Variants in FAM241A observed in about 807,000 individuals in gnomAD.
FAM241A encodes uncharacterized protein FAM241A.
Under a neutral mutation model 12.2 loss-of-function variants are expected in FAM241A, and 7 were observed. The ratio of observed to expected loss-of-function variants is 0.58; its 90% CI spans 0.33 to 1.08. FAM241A has a LOEUF of 1.08. Among genes scored for constraint, FAM241A ranks in the 50% least tolerant of loss-of-function variants. FAM241A has a pLI of 0.04. For missense variants in FAM241A, 161 were observed against 169.7 expected, an observed-to-expected ratio of 0.95 and a Z score of 0.29; for synonymous variants, 74 against 68.2, an observed-to-expected ratio of 1.08 and a Z score of -0.42.
chr4:112,166,480 T>G (rs1723597891), intron 1 of FAM241A, among the ~76,000 whole-genome samples: 2 of 152,140 alleles, frequency 1.3e-5, no homozygotes, highest in South Asian at 4.1e-4. Flanking sequence ...GAAATTTGAT[T>G]ATTTGATGTG....
intron 1 of FAM241A, among the ~76,000 whole-genome samples, chr4:112,176,181 C>T (rs1049778114): frequency 2.0e-5 from 3 of 151,930 alleles, no homozygotes; most frequent in East Asian, 1.9e-4. Flanking sequence ...ATTAAATTGT[C>T]GTAACACTTG....
rs1231417259 is a variant in FAM241A at position 112,194,232 on chromosome 4, C to T, written c.*7294C>T. ...AGACTTTGCTGAAGTTGCTTATCAG[C>T]TTAAGGAGATTTTGGGCTGAGACAA... is the stretch of plus-strand genomic sequence containing the variant. On this transcript the variant is annotated 3_prime_UTR_variant, in exon 2 of 2. Coordinates refer to ENST00000309733, the MANE Select transcript of FAM241A (RefSeq NM_152400.3). The T allele has an allele frequency of 4.7e-5, 7 of 148,178 alleles. No individual in the cohort carries two copies. The highest frequency in any genetic ancestry group is 1.7e-4 in the African/African-American group (7 of 40,230). 9.2% of individuals were successfully genotyped at this position (148,178 alleles called of 1,614,324 possible). A position where few individuals can be genotyped will look rare whatever the true frequency, so the allele number is the denominator to read the frequency against.
At position 112,188,134 on chromosome 4, in the gene FAM241A, T is replaced by A. The variant is rs376166846; in HGVS notation, c.*1196T>A. ...TGAAAATGGAGAATGGCTTTAGTGATATTTTGGGTTTTGTTAGAGAACCTA... is the reference window on the plus strand; with the variant it reads ...TGAAAATGGAGAATGGCTTTAGTGAAATTTTGGGTTTTGTTAGAGAACCTA... On this transcript the variant is annotated 3_prime_UTR_variant, in exon 2 of 2. Transcript: ENST00000309733. The A allele has an allele frequency of 5.3e-5, 8 of 152,302 alleles. 1 individual carries two copies. The highest frequency in any genetic ancestry group is 1.7e-4 in the African/African-American group (7 of 41,594). The allele number at this position is 152,302 out of a possible 1,614,324, so 9.4% of individuals were successfully genotyped here.
intron 1 of FAM241A, among the ~76,000 whole-genome samples, chr4:112,155,658 A>C (rs1057481218): frequency 1.3e-5 from 2 of 152,218 alleles, no homozygotes; most frequent in Non-Finnish European, 2.9e-5. Flanking sequence ...GAGTCCAATA[A>C]ATAGAAAAAT....
chr4:112,150,506 C>T (rs1188867801), intron 1 of FAM241A, among the ~76,000 whole-genome samples: 1 of 152,188 alleles, frequency 6.6e-6, no homozygotes, highest in East Asian at 1.9e-4. Flanking sequence ...ATTTCTATTT[C>T]TTGCCTTTGG....
chr4:112,146,435 A>G (rs921791494), intron 1 of FAM241A, among the ~76,000 whole-genome samples: 6 of 152,258 alleles, frequency 3.9e-5, no homozygotes, highest in African/African-American at 1.4e-4. Context: ...CATTTAAATA[A>G]AGTGTGATAA....
In FAM241A at chr4:112,193,420, C is replaced by T. The variant is rs1206864115; in HGVS notation, c.*6482C>T. Reference sequence around the variant, plus strand: ...TGGTGTTTTAGACATGAAGTCCTTGCCCATGCCTATGTCCTGAATGGTAAT... The same window carrying T: ...TGGTGTTTTAGACATGAAGTCCTTGTCCATGCCTATGTCCTGAATGGTAAT... On this transcript the variant is annotated 3_prime_UTR_variant, in exon 2 of 2. Coordinates refer to ENST00000309733, the MANE Select transcript of FAM241A (RefSeq NM_152400.3). 2.6e-5 allele frequency: 4 copies of T among 151,964 alleles called. No individual in the cohort carries two copies. The highest frequency in any genetic ancestry group is 4.4e-5 in the Non-Finnish European group (3 of 68,018). 9.4% of individuals were successfully genotyped at this position (151,964 alleles called of 1,614,324 possible). A position where few individuals can be genotyped will look rare whatever the true frequency, so the allele number is the denominator to read the frequency against.
chr4:112,182,812 T>C (rs1020624054), intron 1 of FAM241A, among the ~76,000 whole-genome samples: 2 of 152,184 alleles, frequency 1.3e-5, no homozygotes, highest in Non-Finnish European at 2.9e-5. Context: ...ACAAAGCCCA[T>C]TGTTAAACAT....
At chr4:112,183,297 A>G (rs1157690532) in intron 1 of FAM241A, among the ~76,000 whole-genome samples, 1 of 149,420 alleles carries the variant, frequency 6.7e-6, no homozygotes, top group African/African-American at 2.4e-5. Context: ...TTAAAAAAAA[A>G]GAAGAAGAAG....
chr4:112,186,905 T>A lies in FAM241A; in HGVS notation c.366T>A (p.Val122=). The A allele has an allele frequency of 6.2e-7, 1 of 1,613,972 alleles. No homozygotes were observed. The highest frequency in any genetic ancestry group is 8.5e-7 in the Non-Finnish European group (1 of 1,179,924). ...TGCAAGCCCTTGGACTAGTTGCTGT[T>A]CTTTGCCTTGTTATTATTTATGTGC... ...LGLQALGLVA[V]LCLVIIYVQQ Residue 122 remains valine (V), a synonymous_variant, in exon 2 of 2, where the codon GTT becomes GTA. Transcript: ENST00000309733.
chr4:112,179,725 TA>T (rs60844444), intron 1 of FAM241A, among the ~76,000 whole-genome samples: 11 of 146,768 alleles, frequency 7.5e-5, no homozygotes, highest in South Asian at 4.2e-4. Flanking sequence ...ATATATATAT[TA>T]AAAAAAAGAA....
Position 112,186,855 on chromosome 4 carries a change from T to C in FAM241A, c.316T>C (p.Trp106Arg). The C allele has an allele frequency of 6.2e-7, 1 of 1,614,130 alleles. No homozygotes were observed. Among genetic ancestry groups the C allele is most frequent in the South Asian group, 1.1e-5 (1 of 91,084 alleles). ...IVEPVIVIFF[W>R]VMLWFLGLQA... ...GGAACCAGTAATAGTCATTTTCTTT[T>C]GGGTTATGCTGTGGTTCCTTGGCCT... Residue 106 changes from tryptophan to arginine, a missense_variant, in exon 2 of 2, where the codon TGG becomes CGG. Physicochemically the swap from Trp to Arg is moderately radical, Grantham distance 101. Coordinates refer to ENST00000309733, the MANE Select transcript of FAM241A (RefSeq NM_152400.3).
At chr4:112,163,088 G>A (rs192376148) in intron 1 of FAM241A, among the ~76,000 whole-genome samples, 4 of 152,222 alleles carry the variant, frequency 2.6e-5, no homozygotes, top group African/African-American at 9.6e-5. Flanking sequence ...AATGGTGCTG[G>A]GAAAACTGGC....
intron 1 of FAM241A, chr4:112,171,433 C>T: frequency 1.3e-6 from 1 of 773,742 alleles, no homozygotes; most frequent in South Asian, 1.3e-5. Flanking sequence ...GTGTGTTGAG[C>T]CAACTGCAGA....
At chr4:112,168,587 A>G (rs540987812) in intron 1 of FAM241A, among the ~76,000 whole-genome samples, 37 of 152,344 alleles carry the variant, frequency 2.4e-4, no homozygotes, top group Non-Finnish European at 4.6e-4. Context: ...AAATTCCATT[A>G]TAGATCTTAC....
intron 1 of FAM241A, among the ~76,000 whole-genome samples, chr4:112,149,190 G>C (rs1343609013): frequency 6.6e-6 from 1 of 150,628 alleles, no homozygotes; most frequent in Non-Finnish European, 1.5e-5. Flanking sequence ...CTTTTTTTTT[G>C]AGATAGGGTT....
intron 1 of FAM241A, among the ~76,000 whole-genome samples, chr4:112,166,805 A>AT (rs570522398): frequency 2.0e-4 from 31 of 152,090 alleles, no homozygotes; most frequent in Non-Finnish European, 4.0e-4. Flanking sequence ...AATTACAAGG[A>AT]TTTTTTTCTG....
At chr4:112,164,726 A>T (rs1005820954) in intron 1 of FAM241A, among the ~76,000 whole-genome samples, 1 of 152,226 alleles carries the variant, frequency 6.6e-6, no homozygotes, top group South Asian at 2.1e-4. Flanking sequence ...TAATAACCAG[A>T]ATATATAAGG....
At chr4:112,147,125 A>C (rs1723153169) in intron 1 of FAM241A, among the ~76,000 whole-genome samples, 1 of 152,242 alleles carries the variant, frequency 6.6e-6, no homozygotes, top group African/African-American at 2.4e-5. Context: ...TGTGTACTTC[A>C]TTAGTATGAT....
Sources: gnomAD v4.1 joint callset for allele counts (sites outside exome capture counted in the v4.1 genomes callset) on GRCh38, gnomAD v4.1.1 for gene constraint, MANE v1.5 for transcripts, NCBI Gene and HGNC (gene_info 2026-07-23, HGNC 2026-07-21) for gene names.